CDH8: variants seen among roughly 807,000 people sequenced by gnomAD.
CDH8 encodes the protein cadherin 8.
Under a neutral mutation model 68.1 loss-of-function variants are expected in CDH8, and 17 were observed. That is an observed-to-expected ratio of 0.25 (90% CI 0.17 to 0.37). The LOEUF (loss-of-function observed/expected upper bound fraction) is 0.37. Ranked by LOEUF, CDH8 falls within the 10% of genes least tolerant of loss-of-function variation. The pLI, the probability that CDH8 is intolerant of heterozygous loss-of-function variation, is 1.00. For synonymous variants in CDH8, 372 were observed against 365.1 expected, an observed-to-expected ratio of 1.02 and a Z score of -0.21; for missense variants, 763 against 999.3, an observed-to-expected ratio of 0.76 and a Z score of 3.19.
intron 2 of CDH8, among the ~76,000 whole-genome samples, chr16:61,988,792 A>G (rs950151725): frequency 3.3e-5 from 5 of 152,188 alleles, no homozygotes. Flanking sequence ...TTCATTGACA[A>G]CTTTTAACTC....
At chr16:61,745,573 T>A (rs980765982) in intron 8 of CDH8, among the ~76,000 whole-genome samples, 2 of 151,580 alleles carry the variant, frequency 1.3e-5, no homozygotes, top group Non-Finnish European at 2.9e-5. Flanking sequence ...ATTCTTCCTG[T>A]TTCTTTTTGT....
Position 61,647,911 on chromosome 16 carries a change from C to A in CDH8, c.*5697G>T, listed in dbSNP as rs1261926346. The A allele has an allele frequency of 2.9e-6, 2 of 693,180 alleles. No individual in the cohort carries two copies. Among genetic ancestry groups the A allele is most frequent in the African/African-American group, 3.5e-5 (2 of 56,576 alleles). The allele number at this position is 693,180 out of a possible 1,614,324, so 42.9% of individuals were successfully genotyped here. On this transcript the variant is annotated 3_prime_UTR_variant, in exon 12 of 12. Transcript: ENST00000577390. ...AATCTGTGGATAATAATAGAAATAT[C>A]TATTATCTATTAGTAGGGATACTTG...
intron 2 of CDH8, among the ~76,000 whole-genome samples, chr16:61,966,009 C>T (rs1965245924): frequency 6.6e-6 from 1 of 151,936 alleles, no homozygotes; most frequent in Non-Finnish European, 1.5e-5. Flanking sequence ...AATTGGCTTG[C>T]TAGGATGAAA....
chr16:62,023,626 A>T (rs544214698), intron 1 of CDH8, among the ~76,000 whole-genome samples: 8 of 152,310 alleles, frequency 5.3e-5, no homozygotes, highest in African/African-American at 1.7e-4. Context: ...ATGAATGAGC[A>T]GAGTGAAGCT....
chr16:61,972,579 T>G (rs898204868), intron 2 of CDH8, among the ~76,000 whole-genome samples: 30 of 146,836 alleles, frequency 2.0e-4, no homozygotes, highest in Non-Finnish European at 4.2e-4. Flanking sequence ...TGGGTGTGTG[T>G]GTGTGTGTGT....
intron 2 of CDH8, among the ~76,000 whole-genome samples, chr16:61,974,742 A>C (rs1965405917): frequency 6.6e-6 from 1 of 152,100 alleles, no homozygotes; most frequent in South Asian, 2.1e-4. Context: ...TAATTCTAGG[A>C]GCTATGACAT....
chr16:61,670,031 C>T (rs1046235094), intron 10 of CDH8, among the ~76,000 whole-genome samples: 2 of 152,062 alleles, frequency 1.3e-5, no homozygotes, highest in Non-Finnish European at 2.9e-5. Context: ...CAGATTCAAT[C>T]GTTCAATAAT....
intron 4 of CDH8, among the ~76,000 whole-genome samples, chr16:61,831,398 T>G (rs1031170386): frequency 4.0e-5 from 6 of 151,804 alleles, no homozygotes; most frequent in Non-Finnish European, 8.8e-5. Flanking sequence ...TTCTCCTGTA[T>G]TTAAGATATG....
intron 10 of CDH8, among the ~76,000 whole-genome samples, chr16:61,664,897 C>T (rs56808587): frequency 0.13 from 19,119 of 151,956 alleles, 1,294 homozygotes; most frequent in African/African-American, 0.16. Context: ...ATTGATATTT[C>T]GTCCTTGAAG....
intron 8 of CDH8, among the ~76,000 whole-genome samples, chr16:61,787,285 T>G (rs1014365176): frequency 4.7e-4 from 69 of 147,340 alleles, no homozygotes; most frequent in African/African-American, 1.7e-3. Context: ...GCAAAGGACA[T>G]GAACAGACAC....
rs550773837 is a variant in CDH8 at position 62,021,181 on chromosome 16, A to G, written c.223T>C (p.Ser75Pro). Residue 75 changes from serine to proline, a missense_variant, in exon 2 of 12, where the codon TCT becomes CCT. Transcript: ENST00000577390. ...WNQMFVLEEFSGPEPILVGRL... is the reference protein window; with the variant it reads ...WNQMFVLEEFPGPEPILVGRL... Reference sequence around the variant, plus strand: ...CCAACAAGAATCGGTTCAGGTCCAGAAAACTCTTCCAGGACAAACATTTGA... The same window carrying G: ...CCAACAAGAATCGGTTCAGGTCCAGGAAACTCTTCCAGGACAAACATTTGA... The G allele has an allele frequency of 6.2e-7, 1 of 1,614,032 alleles. No individual in the cohort carries two copies. Among genetic ancestry groups the G allele is most frequent in the East Asian group, 2.2e-5 (1 of 44,870 alleles).
At chr16:61,706,386 G>A (rs527595492) in intron 10 of CDH8, among the ~76,000 whole-genome samples, 9 of 152,202 alleles carry the variant, frequency 5.9e-5, no homozygotes, top group Admixed American at 1.3e-4. Context: ...GGGAGGCCGA[G>A]GCGGGCGGAT....
intron 4 of CDH8, among the ~76,000 whole-genome samples, chr16:61,828,184 T>C (rs1415549856): frequency 1.3e-5 from 2 of 151,474 alleles, no homozygotes; most frequent in African/African-American, 4.8e-5. Flanking sequence ...ACTACTGCAC[T>C]CCCACCGGCA....
intron 4 of CDH8, among the ~76,000 whole-genome samples, chr16:61,845,516 A>AAAC (rs1567497232): frequency 6.6e-6 from 1 of 151,656 alleles, no homozygotes; most frequent in Non-Finnish European, 1.5e-5. Context: ...AAAAAAAAAA[A>AAAC]AAAAAACTAT....
chr16:61,816,766 G>C (rs1962084421), intron 7 of CDH8, among the ~76,000 whole-genome samples: 1 of 147,952 alleles, frequency 6.8e-6, no homozygotes. Context: ...CAGTACAACA[G>C]AAAAAAAAAA....
chr16:61,776,219 T>C (rs1371559844), intron 8 of CDH8, among the ~76,000 whole-genome samples: 1 of 152,116 alleles, frequency 6.6e-6, no homozygotes, highest in East Asian at 1.9e-4. Context: ...GTTATCTCAT[T>C]TAACTCCCAT....
At chr16:61,879,575 A>G (rs1456088329) in intron 3 of CDH8, among the ~76,000 whole-genome samples, 1 of 152,034 alleles carries the variant, frequency 6.6e-6, no homozygotes, top group Non-Finnish European at 1.5e-5. Context: ...ATCCTCACAA[A>G]CTGCTCTGTG....
chr16:62,007,016 T>C (rs965436799), intron 2 of CDH8, among the ~76,000 whole-genome samples: 3 of 151,976 alleles, frequency 2.0e-5, no homozygotes, highest in Non-Finnish European at 4.4e-5. Context: ...CAAGTGATTC[T>C]CCTGTTTCAG....
Position 61,817,664 on chromosome 16 carries a change from T to G in CDH8, c.1092A>C (p.Pro364=). The G allele has an allele frequency of 6.2e-7, 1 of 1,613,034 alleles. No individual in the cohort carries two copies. The highest frequency in any genetic ancestry group is 1.1e-5 in the South Asian group (1 of 91,026). Residue 364 remains proline (P), a synonymous_variant, in exon 7 of 12, where the codon CCA becomes CCC. Coordinates refer to ENST00000577390, the MANE Select transcript of CDH8 (RefSeq NM_001796.5). ...TAAAGGGCCCCCTGCCACTGAAGCG[T>G]GGGTCAATATGGACATTGGCTGCCT... ...KVEAANVHID[P]RFSGRGPFKD... is the part of the protein sequence containing the mutation.
Sources: allele counts gnomAD v4.1 joint callset (sites outside exome capture counted in the v4.1 genomes callset), GRCh38; gene constraint gnomAD v4.1.1; transcripts MANE v1.5; gene names NCBI Gene and HGNC (gene_info 2026-07-23, HGNC 2026-07-21).